MIDEAS: variants seen among roughly 807,000 people sequenced by gnomAD.
MIDEAS encodes mitotic deacetylase associated SANT domain protein.
In MIDEAS, 26 loss-of-function variants were observed where a neutral mutation model predicts 102.7. That is an observed-to-expected ratio of 0.25 (90% CI 0.19 to 0.35). The LOEUF (loss-of-function observed/expected upper bound fraction) is 0.35. Ranked by LOEUF, MIDEAS falls within the 10% of genes least tolerant of loss-of-function variation. The probability of loss-of-function intolerance (pLI) is 1.00; values close to 1 mark genes in which losing one functional copy is unlikely to be tolerated. For missense variants in MIDEAS, 1,231 were observed against 1,435.6 expected, an observed-to-expected ratio of 0.86 and a Z score of 2.30; for synonymous variants, 585 against 591.0, an observed-to-expected ratio of 0.99 and a Z score of 0.15.
At chr14:73,755,212 G>C (rs1377887408) in intron 1 of MIDEAS, among the ~76,000 whole-genome samples, 3 of 152,162 alleles carry the variant, frequency 2.0e-5, no homozygotes, top group East Asian at 3.8e-4. Flanking sequence ...CAACAGCAAG[G>C]GCGGCTGCCA....
intron 3 of MIDEAS, among the ~76,000 whole-genome samples, chr14:73,733,089 T>C (rs2053160095): frequency 6.6e-6 from 1 of 150,468 alleles, no homozygotes; most frequent in Non-Finnish European, 1.5e-5. Context: ...CGAAACCCCG[T>C]CTCAAAAAAA....
intron 5 of MIDEAS, 186 bp from the exon 6 acceptor site, chr14:73,727,158 C>T: frequency 1.3e-6 from 1 of 740,910 alleles, no homozygotes; most frequent in East Asian, 2.8e-5. Context: ...AGGCAAGGTC[C>T]AGAGGCTGGA....
At position 73,774,474 on chromosome 14, in the gene MIDEAS, G is replaced by A. The variant is rs1040183373; in HGVS notation, c.-248+12628C>T. Among the ~76,000 whole-genome samples, 38 of 151,942 alleles carry A rather than the reference G, an allele frequency of 2.5e-4. 2 individuals carry two copies. Among genetic ancestry groups the A allele is most frequent in the Non-Finnish European group, 5.9e-5 (4 of 67,956 alleles). On this transcript the variant is annotated intron_variant, in intron 1 of 11. Transcript: ENST00000394071. ...TTCCCCAGCTCTGTCTCTGTGTGAA[G>A]CCAAAAGACAGTGCTGAGCATGAGA...
chr14:73,747,176 T>A (rs891275429), intron 1 of MIDEAS, among the ~76,000 whole-genome samples: 2 of 152,164 alleles, frequency 1.3e-5, no homozygotes, highest in Admixed American at 6.5e-5. Flanking sequence ...CACTATCCAA[T>A]AATGCTTCTT....
chr14:73,751,636 C>T (rs769164840), intron 1 of MIDEAS, among the ~76,000 whole-genome samples: 2 of 152,194 alleles, frequency 1.3e-5, no homozygotes, highest in Non-Finnish European at 2.9e-5. Flanking sequence ...CAGCGGCTCC[C>T]GTTTGTAATC....
At chr14:73,721,171 C>T (rs1439077151) in intron 11 of MIDEAS, 126 bp downstream of exon 11, 1 of 889,550 alleles carries the variant, frequency 1.1e-6, no homozygotes, top group African/African-American at 1.6e-5. Context: ...GCACAAAGTA[C>T]TTCACACATT....
chr14:73,726,830 C>G lies in MIDEAS; in HGVS notation c.2305G>C (p.Val769Leu), dbSNP rs781515928. The G allele has an allele frequency of 1.2e-6, 2 of 1,608,482 alleles. No homozygotes were observed. Among genetic ancestry groups the G allele is most frequent in the East Asian group, 4.5e-5 (2 of 44,722 alleles). ...LESSREKQRQ[V>L]EDLLTAACSS... ...TTGCTGCCCCCAGGCCCCTCCTCAC[C>G]TTGCCTCTGCTTCTCCCGGCTGCTC... The change falls in exon 6 of 13, where the codon GTG (valine) becomes CTG (leucine). Residue 769 changes from valine (V) to leucine (L), a missense_variant and splice_region_variant. This residue lies in a region of MIDEAS where 391 missense variants were observed against 483.0 expected (regional missense o/e 0.81). Coordinates refer to ENST00000423556, the MANE Select transcript of MIDEAS (RefSeq NM_001367710.1).
At chr14:73,786,311 C>G (rs2053808412) in intron 1 of MIDEAS, among the ~76,000 whole-genome samples, 1 of 152,200 alleles carries the variant, frequency 6.6e-6, no homozygotes, top group Non-Finnish European at 1.5e-5. Context: ...CGTCAAAGTT[C>G]CTGCAGCACA....
rs1476749931 is a variant in MIDEAS at position 73,726,116 on chromosome 14, G to A, written c.2410-8C>T. The A allele has an allele frequency of 8.9e-6, 14 of 1,581,876 alleles. No homozygotes were observed. Among genetic ancestry groups the A allele is most frequent in the Non-Finnish European group, 1.1e-5 (13 of 1,163,898 alleles). On this transcript the variant is annotated splice_polypyrimidine_tract_variant and splice_region_variant and intron_variant, in intron 7 of 12. Transcript: ENST00000423556. ...CAGCTTATTCAGCGTTTCCTGGAGG[G>A]GAAGTGAGGGAAGGGTCAGGGCACT... is the stretch of plus-strand genomic sequence containing the variant.
rs2053264823 is a variant in MIDEAS at position 73,740,079 on chromosome 14, C to A, written c.-71G>T. 1 of 1,410,556 alleles carries A rather than the reference C, an allele frequency of 7.1e-7. No individual in the cohort carries two copies. 87.4% of individuals were successfully genotyped at this position (1,410,556 alleles called of 1,614,324 possible). A position where few individuals can be genotyped will look rare whatever the true frequency, so the allele number is the denominator to read the frequency against. On this transcript the variant is annotated 5_prime_UTR_variant, in exon 2 of 13. Coordinates refer to ENST00000423556, the MANE Select transcript of MIDEAS (RefSeq NM_001367710.1). ...GCCCATCCCCTGGGGAAACGTCCTGCTGGAAGCCGGGCTCTAGTCCAGGAG... is the reference window on the plus strand; with the variant it reads ...GCCCATCCCCTGGGGAAACGTCCTGATGGAAGCCGGGCTCTAGTCCAGGAG...
intron 3 of MIDEAS, among the ~76,000 whole-genome samples, chr14:73,732,785 CAAAAAAAAAAAAAA>C (rs57681928): frequency 4.3e-5 from 2 of 46,070 alleles, no homozygotes; most frequent in African/African-American, 7.3e-5. Context: ...GACTCCCTCT[CAAAAAAAAAAAAAA>C]AAAAAAAAAG....
intron 1 of MIDEAS, among the ~76,000 whole-genome samples, chr14:73,752,541 C>T (rs2053433301): frequency 6.6e-6 from 1 of 152,080 alleles, no homozygotes. Context: ...GGCAATATGG[C>T]TCCCTAGTAC....
At chr14:73,731,106 G>A (rs764290992) in intron 3 of MIDEAS, among the ~76,000 whole-genome samples, 42 of 152,308 alleles carry the variant, frequency 2.8e-4, no homozygotes, top group Non-Finnish European at 1.6e-4. Flanking sequence ...TGCTAGGTAC[G>A]CCTCATGGGC....
Position 73,729,832 on chromosome 14 carries a change from G to A in MIDEAS, c.1903C>T (p.Arg635Cys). 1 of 1,614,044 alleles carries A rather than the reference G, an allele frequency of 6.2e-7. No individual in the cohort carries two copies. Among genetic ancestry groups the A allele is most frequent in the Non-Finnish European group, 8.5e-7 (1 of 1,180,026 alleles). Residue 635 changes from arginine to cysteine, a missense_variant, in exon 4 of 13, where the codon CGC (arginine) becomes TGC (cysteine). This residue lies in a region of MIDEAS where 758 missense variants were observed against 856.0 expected (regional missense o/e 0.89). Transcript: ENST00000423556. The part of the protein sequence containing the change: ...SNITPYQSHL[R>C]SPVRLADHPS... ...TGGTCAGCTAGGCGCACGGGAGAGCGCAGGTGGCTCTGGTATGGGGTGATG... is the reference window on the plus strand; with the variant it reads ...TGGTCAGCTAGGCGCACGGGAGAGCACAGGTGGCTCTGGTATGGGGTGATG...
rs55692592 is a variant in MIDEAS, at chr14:73,756,295, T to TGTGCGC, written c.-248+3467_-248+3468insGCGCAC. ...GTGTGTGTGTGTGTGTGTGTGTGTGTGCGCGCGCGCGTGCGCGCTGAGGTG... is the reference window on the plus strand; with the variant it reads ...GTGTGTGTGTGTGTGTGTGTGTGTGTGTGCGCGCGCGCGCGCGTGCGCGCTGAGGTG... On this transcript the variant is annotated intron_variant, in intron 1 of 12. Coordinates refer to ENST00000423556, the MANE Select transcript of MIDEAS (RefSeq NM_001367710.1). 8.2e-3 allele frequency among the ~76,000 whole-genome samples: 1,048 copies of TGTGCGC among 127,688 alleles called. 8 individuals carry two copies. The highest frequency in any genetic ancestry group is 0.03 in the South Asian group (110 of 3,690). 83.8% of individuals were successfully genotyped at this position (127,688 alleles called of 152,430 possible). A position where few individuals can be genotyped will look rare whatever the true frequency, so the allele number is the denominator to read the frequency against.
intron 1 of MIDEAS, among the ~76,000 whole-genome samples, chr14:73,771,553 G>A (rs150870160): frequency 6.6e-6 from 1 of 152,292 alleles, no homozygotes; most frequent in East Asian, 1.9e-4. Context: ...TACTACACAC[G>A]AGGGGAGTGG....
Position 73,739,796 on chromosome 14 carries a change from G to T in MIDEAS, c.213C>A (p.Ala71=). The T allele has an allele frequency of 6.2e-7, 1 of 1,613,512 alleles. No individual in the cohort carries two copies. The highest frequency in any genetic ancestry group is 8.5e-7 in the Non-Finnish European group (1 of 1,179,732). The change falls in exon 2 of 13, where the codon GCC becomes GCA. Residue 71 remains alanine, a synonymous_variant. Coordinates refer to ENST00000423556, the MANE Select transcript of MIDEAS (RefSeq NM_001367710.1). ...GCCCATATACCACAGAGTTCAGCAG[G>T]GCCAGGCTGCTAGGAGGGGGCAGTT... is the stretch of plus-strand genomic sequence containing the variant. ...PVELPPPSSL[A]LLNSVVYGPE...
At chr14:73,784,081 T>C (rs1219926730) in intron 1 of MIDEAS, among the ~76,000 whole-genome samples, 1 of 152,244 alleles carries the variant, frequency 6.6e-6, no homozygotes, top group African/African-American at 2.4e-5. Context: ...AGTTGCTGGG[T>C]TGCCTAATTA....
At chr14:73,748,629 T>A (rs1382979013) in intron 1 of MIDEAS, among the ~76,000 whole-genome samples, 1 of 151,370 alleles carries the variant, frequency 6.6e-6, no homozygotes, top group Non-Finnish European at 1.5e-5. Flanking sequence ...AGACAAAATA[T>A]GTGGTGGCAG....
Sources: allele counts gnomAD v4.1 joint callset (sites outside exome capture counted in the v4.1 genomes callset), GRCh38; gene constraint gnomAD v4.1.1; regional missense constraint gnomAD v4.1.1; transcripts MANE v1.5; gene names NCBI Gene and HGNC (gene_info 2026-07-23, HGNC 2026-07-21).